Variants in GREB1 observed in about 807,000 individuals in gnomAD.
GREB1 encodes protein GREB1.
GREB1 carries 106 observed loss-of-function variants against 200.7 expected under a neutral mutation model. The observed-to-expected ratio is 0.53, with a 90% confidence interval of 0.45 to 0.62. GREB1 has a LOEUF of 0.62. Among genes scored for constraint, GREB1 ranks in the 20% least tolerant of loss-of-function variants. The probability of loss-of-function intolerance (pLI) is 0.00; values close to 1 mark genes in which losing one functional copy is unlikely to be tolerated. For synonymous variants in GREB1, 1,132 were observed against 1,092.4 expected, an observed-to-expected ratio of 1.04 and a Z score of -0.72; for missense variants, 2,243 against 2,556.8, an observed-to-expected ratio of 0.88 and a Z score of 2.65.
rs146415471 is a variant in GREB1 at position 11,624,804 on chromosome 2, C to A, written c.4148-350C>A. On this transcript the variant is annotated intron_variant, in intron 23 of 32. Coordinates refer to ENST00000381486, the MANE Select transcript of GREB1 (RefSeq NM_014668.4). ...ATTTGTAAACTTTCTGAAAACATTA[C>A]GAGATTATTTTTGCAATTTTTTTTT... 4.7e-4 allele frequency among the ~76,000 whole-genome samples: 69 copies of A among 147,020 alleles called. 2 individuals carry two copies. The Middle Eastern group carries it at 0.01, about 22-fold the overall frequency.
intron 2 of GREB1, among the ~76,000 whole-genome samples, chr2:11,557,877 C>T (rs915238089): frequency 6.6e-6 from 1 of 152,120 alleles, no homozygotes; most frequent in Non-Finnish European, 1.5e-5. Flanking sequence ...GGAGACGTCA[C>T]TGTGATTTTA....
At chr2:11,482,926 G>A (rs1428376707) in intron 1 of GREB1, among the ~76,000 whole-genome samples, 1 of 151,326 alleles carries the variant, frequency 6.6e-6, no homozygotes, top group Non-Finnish European at 1.5e-5. Context: ...GGGCGCTCAG[G>A]AGCGGGGCCG....
intron 1 of GREB1, among the ~76,000 whole-genome samples, chr2:11,521,826 A>T (rs1558499341): frequency 6.6e-6 from 1 of 152,154 alleles, no homozygotes. Flanking sequence ...TTTTCACCAC[A>T]CTGTAATTAT....
chr2:11,497,243 T>C (rs1042603822), intron 1 of GREB1, among the ~76,000 whole-genome samples: 5 of 152,244 alleles, frequency 3.3e-5, no homozygotes, highest in African/African-American at 4.8e-5. Flanking sequence ...TGACTTTTCT[T>C]TTTTCCTACT....
chr2:11,599,315 C>T (rs534607853), intron 15 of GREB1, among the ~76,000 whole-genome samples: 5 of 149,932 alleles, frequency 3.3e-5, no homozygotes, highest in East Asian at 1.9e-4. Context: ...CGTGGGTCAC[C>T]ACTGATGCCT....
intron 23 of GREB1, among the ~76,000 whole-genome samples, chr2:11,622,039 T>C (rs1684052524): frequency 1.3e-5 from 2 of 152,236 alleles, no homozygotes; most frequent in Non-Finnish European, 2.9e-5. Context: ...ATAATTTCTC[T>C]ATTATAGGGT....
In GREB1 at chr2:11,548,531, C is replaced by T. The variant is rs139891204; in HGVS notation, c.-161-7923C>T. Among the ~76,000 whole-genome samples the T allele has an allele frequency of 1.2e-3, 178 of 152,338 alleles. 1 individual carries two copies. The highest frequency in any genetic ancestry group is 4.2e-3 in the African/African-American group (174 of 41,570). On this transcript the variant is annotated intron_variant, in intron 1 of 32. Coordinates refer to ENST00000381486, the MANE Select transcript of GREB1 (RefSeq NM_014668.4). This position sits in a 1 kb window ranked among gnomAD's most constrained non-coding sequence, Gnocchi z 5.1. ...ATTGTACATCTTATTCTTCCTGCAC[C>T]TGTCAATAATACATCCCCATATTCT...
intron 23 of GREB1, among the ~76,000 whole-genome samples, chr2:11,623,622 G>A (rs1319125429): frequency 6.6e-6 from 1 of 152,248 alleles, no homozygotes; most frequent in Non-Finnish European, 1.5e-5. Flanking sequence ...CAGGCGTGGT[G>A]GCTCACGCCT....
At chr2:11,628,712 A>C (rs1161236504) in intron 25 of GREB1, among the ~76,000 whole-genome samples, 1 of 152,226 alleles carries the variant, frequency 6.6e-6, no homozygotes, top group Non-Finnish European at 1.5e-5. Context: ...GAAGGGTGTC[A>C]GTCCCTACTC....
Position 11,629,971 on chromosome 2 carries a change from C to A in GREB1, c.4473C>A (p.Ala1491=). 1 of 1,614,206 alleles carries A rather than the reference C, an allele frequency of 6.2e-7. No homozygotes were observed. Among genetic ancestry groups the A allele is most frequent in the Non-Finnish European group, 8.5e-7 (1 of 1,180,032 alleles). The part of the protein sequence containing the change: ...RYQLYESTLH[A]FAFSYSMLGE... ...AGCTGTATGAGTCCACCCTGCACGC[C>A]TTTGCCTTCTCTTACTCCATGCTAG... The change falls in exon 26 of 33, where the codon GCC becomes GCA. Residue 1491 remains alanine (A), a synonymous_variant. Coordinates refer to ENST00000381486, the MANE Select transcript of GREB1 (RefSeq NM_014668.4). The surrounding 1 kb of genome is among the most constrained non-coding windows in gnomAD (Gnocchi z 5.2).
chr2:11,547,033 C>T (rs546716815), intron 1 of GREB1, among the ~76,000 whole-genome samples: 3 of 151,792 alleles, frequency 2.0e-5, no homozygotes, highest in South Asian at 2.1e-4. Context: ...CAATCTCTGC[C>T]TCCTGGGCTC....
At chr2:11,555,406 C>T (rs1191586357) in intron 1 of GREB1, among the ~76,000 whole-genome samples, 4 of 151,992 alleles carry the variant, frequency 2.6e-5, no homozygotes, top group East Asian at 1.9e-4. Context: ...GAGGGTTGAG[C>T]GAAATGCTTA....
chr2:11,602,255 A>G, intron 16 of GREB1, 151 bp from the exon 17 acceptor site: 1 of 650,878 alleles, frequency 1.5e-6, no homozygotes, highest in Non-Finnish European at 2.8e-6. Flanking sequence ...TGCAGATGGA[A>G]GAAGTTTATA....
At chr2:11,587,756 G>T (rs1680313510) in intron 9 of GREB1, 1 of 1,010,276 alleles carries the variant, frequency 9.9e-7, no homozygotes, top group East Asian at 7.2e-5. Context: ...ACCTTTGGGA[G>T]CTCAGCAGCC....
intron 1 of GREB1, among the ~76,000 whole-genome samples, chr2:11,527,864 A>G (rs1202114341): frequency 2.0e-5 from 3 of 152,170 alleles, no homozygotes; most frequent in Non-Finnish European, 4.4e-5. Context: ...CATTCTAACA[A>G]AGTCCCCCAC....
At position 11,597,115 on chromosome 2, in the gene GREB1, C is replaced by T. The variant is rs1030549917; in HGVS notation, c.1955-666C>T. Among the ~76,000 whole-genome samples the T allele has an allele frequency of 2.0e-5, 3 of 151,696 alleles. No individual in the cohort carries two copies. Among genetic ancestry groups the T allele is most frequent in the Non-Finnish European group, 4.4e-5 (3 of 67,900 alleles). On this transcript the variant is annotated intron_variant, in intron 13 of 32. Transcript: ENST00000381486. This position sits in a 1 kb window ranked among gnomAD's most constrained non-coding sequence, Gnocchi z 4.1. ...AGGGGACAGAGGGCTCATGTGTGCT[C>T]GGTGGGCGATGAGAGGGCACTGGCG...
chr2:11,604,050 G>A (rs1682028428), intron 17 of GREB1, among the ~76,000 whole-genome samples: 1 of 152,204 alleles, frequency 6.6e-6, no homozygotes, highest in South Asian at 2.1e-4. Flanking sequence ...AAGTCTCACA[G>A]CTAGTAAAGG....
chr2:11,637,826 G>A lies in GREB1; in HGVS notation c.5457G>A (p.Gln1819=), dbSNP rs1321449093. 3.2e-5 allele frequency: 52 copies of A among 1,614,084 alleles called. No homozygotes were observed. Among genetic ancestry groups the A allele is most frequent in the Non-Finnish European group, 4.4e-5 (52 of 1,180,048 alleles). Reference sequence around the variant, plus strand: ...AGCTCCTGCTGGAGAAGTTCCTGCAGCACCACAGCCACCTCTTCTTCCCGC... The same window carrying A: ...AGCTCCTGCTGGAGAAGTTCCTGCAACACCACAGCCACCTCTTCTTCCCGC... ...PAQLLLEKFL[Q]HHSHLFFPLS... Residue 1819 remains glutamine (Q), a synonymous_variant, in exon 31 of 33, where the codon CAG becomes CAA. Transcript: ENST00000381486.
At chr2:11,494,385 T>G (rs1159796660) in intron 1 of GREB1, among the ~76,000 whole-genome samples, 1 of 152,232 alleles carries the variant, frequency 6.6e-6, no homozygotes, top group Non-Finnish European at 1.5e-5. Flanking sequence ...CATTCTTGGG[T>G]CCCCAGACCC....
Sources: gnomAD v4.1 joint callset for allele counts (sites outside exome capture counted in the v4.1 genomes callset) on GRCh38, gnomAD v4.1.1 for gene constraint, Gnocchi (gnomAD v3.1) non-coding constraint, MANE v1.5 for transcripts, NCBI Gene and HGNC (gene_info 2026-07-23, HGNC 2026-07-21) for gene names.